Variants in GALNT10 observed in about 807,000 individuals in gnomAD.
GALNT10 encodes GalNAc transferase 10.
GALNT10 carries 41 observed loss-of-function variants against 75.0 expected under a neutral mutation model. The ratio of observed to expected loss-of-function variants is 0.55; its 90% confidence interval spans 0.43 to 0.71. GALNT10 has a LOEUF of 0.71. Among genes scored for constraint, GALNT10 ranks in the 30% least tolerant of loss-of-function variants. The pLI, the probability that GALNT10 is intolerant of heterozygous loss-of-function variation, is 0.00. For missense variants in GALNT10, 727 were observed against 818.5 expected (o/e 0.89, Z 1.36); for synonymous variants, 302 against 313.0 (o/e 0.96, Z 0.37).
intron 1 of GALNT10, 55 bp from the exon 2 acceptor site, chr5:154,294,761 C>A (rs1754247907): frequency 4.4e-6 from 4 of 914,582 alleles, no homozygotes; most frequent in South Asian, 1.4e-5. Context: ...AACTCCTGGG[C>A]CTGTGTTACT....
chr5:154,203,432 T>C (rs1345295146), intron 1 of GALNT10, among the ~76,000 whole-genome samples: 1 of 152,220 alleles, frequency 6.6e-6, no homozygotes, highest in Non-Finnish European at 1.5e-5. Flanking sequence ...TTACCATCTT[T>C]GACTTGAACA....
intron 4 of GALNT10, among the ~76,000 whole-genome samples, chr5:154,374,903 G>A (rs900178328): frequency 4.6e-5 from 7 of 152,130 alleles, no homozygotes; most frequent in African/African-American, 1.7e-4. Flanking sequence ...CTTATTTGTT[G>A]GAGATTTTTA....
At chr5:154,321,378 C>G (rs1297970167) in intron 3 of GALNT10, among the ~76,000 whole-genome samples, 1 of 151,912 alleles carries the variant, frequency 6.6e-6, no homozygotes, top group Non-Finnish European at 1.5e-5. Context: ...AATCTTGGCT[C>G]GCTGCAACCT....
intron 1 of GALNT10, among the ~76,000 whole-genome samples, chr5:154,276,877 A>G (rs1276972592): frequency 6.6e-6 from 1 of 152,162 alleles, no homozygotes; most frequent in African/African-American, 2.4e-5. Context: ...ACCTCAGAAG[A>G]TAGGTGTTGT....
At chr5:154,279,060 T>C (rs562180886) in intron 1 of GALNT10, among the ~76,000 whole-genome samples, 1 of 152,332 alleles carries the variant, frequency 6.6e-6, no homozygotes, top group East Asian at 1.9e-4. Flanking sequence ...TTTAGATACA[T>C]ACCTAAAATG....
intron 1 of GALNT10, among the ~76,000 whole-genome samples, chr5:154,248,251 G>A (rs1308850270): frequency 6.6e-6 from 1 of 152,238 alleles, no homozygotes; most frequent in Non-Finnish European, 1.5e-5. Context: ...ATGTTCATCA[G>A]GGATATTGGT....
chr5:154,293,609 A>ATT (rs1466080479), intron 1 of GALNT10, among the ~76,000 whole-genome samples: 31 of 122,706 alleles, frequency 2.5e-4, no homozygotes, highest in African/African-American at 1.0e-3. Flanking sequence ...ATATATATAT[A>ATT]TATATTTTTT....
chr5:154,336,252 T>C (rs1754943726), intron 4 of GALNT10, among the ~76,000 whole-genome samples: 1 of 152,236 alleles, frequency 6.6e-6, no homozygotes, highest in African/African-American at 2.4e-5. Flanking sequence ...ACATCTTGGC[T>C]GCTTCCGAGT....
intron 1 of GALNT10, among the ~76,000 whole-genome samples, chr5:154,206,427 T>C (rs1218129387): frequency 6.6e-6 from 1 of 152,152 alleles, no homozygotes; most frequent in East Asian, 1.9e-4. Flanking sequence ...GCCGCTGCCT[T>C]GAGAGAGCTC....
intron 1 of GALNT10, among the ~76,000 whole-genome samples, chr5:154,279,296 G>GTTTTT (rs111488218): frequency 1.1e-4 from 9 of 83,854 alleles, no homozygotes; most frequent in South Asian, 4.1e-4. Context: ...TGTTGTTGTT[G>GTTTTT]TTGTTTTGTT....
chr5:154,259,074 C>A (rs193052545), intron 1 of GALNT10, among the ~76,000 whole-genome samples: 1 of 151,990 alleles, frequency 6.6e-6, no homozygotes, highest in Non-Finnish European at 1.5e-5. Context: ...ACTTATATAC[C>A]GATTTTATTT....
intron 7 of GALNT10, among the ~76,000 whole-genome samples, chr5:154,395,258 T>C (rs1180800347): frequency 6.6e-6 from 1 of 152,234 alleles, no homozygotes; most frequent in Non-Finnish European, 1.5e-5. Context: ...GTTCTGATCA[T>C]AACCCTCAGG....
intron 6 of GALNT10, among the ~76,000 whole-genome samples, chr5:154,383,574 G>A (rs75102598): frequency 2.2e-3 from 334 of 152,196 alleles, no homozygotes; most frequent in African/African-American, 7.6e-3. Context: ...GCAAAGCCTC[G>A]AGCATCCCAA....
chr5:154,223,109 C>T (rs920624802), intron 1 of GALNT10, among the ~76,000 whole-genome samples: 8 of 152,058 alleles, frequency 5.3e-5, no homozygotes, highest in African/African-American at 1.7e-4. Context: ...TGTAGGGCAC[C>T]GTACTAGGTG....
intron 4 of GALNT10, among the ~76,000 whole-genome samples, chr5:154,333,485 G>A (rs1442611345): frequency 1.3e-5 from 2 of 152,108 alleles, no homozygotes; most frequent in Non-Finnish European, 2.9e-5. Context: ...GATTAGTCCT[G>A]ACCTATAATG....
At chr5:154,335,388 G>A (rs1754928906) in intron 4 of GALNT10, among the ~76,000 whole-genome samples, 1 of 152,162 alleles carries the variant, frequency 6.6e-6, no homozygotes. Flanking sequence ...GAAAGTCCAG[G>A]CAATGTAGAG....
chr5:154,203,154 G>A (rs1335470678), intron 1 of GALNT10, among the ~76,000 whole-genome samples: 1 of 152,148 alleles, frequency 6.6e-6, no homozygotes, highest in African/African-American at 2.4e-5. Flanking sequence ...TGACTTGTAT[G>A]GACTCTCTTT....
chr5:154,303,378 G>C (rs1397493650), intron 3 of GALNT10, among the ~76,000 whole-genome samples: 1 of 152,124 alleles, frequency 6.6e-6, no homozygotes, highest in African/African-American at 2.4e-5. Context: ...CACAGTACTG[G>C]AGACAGGAGA....
At chr5:154,330,202 T>C (rs1754833879) in intron 4 of GALNT10, among the ~76,000 whole-genome samples, 1 of 152,020 alleles carries the variant, frequency 6.6e-6, no homozygotes, top group Non-Finnish European at 1.5e-5. Flanking sequence ...GGGAAAAGGG[T>C]GGAGAGCAAA....
Sources: allele counts gnomAD v4.1 joint callset (sites outside exome capture counted in the v4.1 genomes callset), GRCh38; gene constraint gnomAD v4.1.1; transcripts MANE v1.5; gene names NCBI Gene and HGNC (gene_info 2026-07-23, HGNC 2026-07-21).